Variants in CEP85L observed in about 807,000 individuals in gnomAD.
CEP85L encodes the protein centrosomal protein of 85 kDa-like.
Under a neutral mutation model 100.3 loss-of-function variants are expected in CEP85L, and 60 were observed. That is an observed-to-expected ratio of 0.60 (90% CI 0.49 to 0.74). The LOEUF (loss-of-function observed/expected upper bound fraction) is 0.74. Ranked by LOEUF, CEP85L falls within the 30% of genes least tolerant of loss-of-function variation. The pLI, the probability that CEP85L is intolerant of heterozygous loss-of-function variation, is 0.00. For synonymous variants in CEP85L, 319 were observed against 322.7 expected, an observed-to-expected ratio of 0.99 and a Z score of 0.12; for missense variants, 973 against 936.2, an observed-to-expected ratio of 1.04 and a Z score of -0.51.
At chr6:118,472,375 A>T (rs907952934) in intron 10 of CEP85L, among the ~76,000 whole-genome samples, 1 of 152,146 alleles carries the variant, frequency 6.6e-6, no homozygotes, top group Admixed American at 6.5e-5. Context: ...GCAGTTATCA[A>T]GAAGCACTTT....
chr6:118,528,347 G>A (rs1209673115), intron 3 of CEP85L, among the ~76,000 whole-genome samples: 1 of 151,968 alleles, frequency 6.6e-6, no homozygotes, highest in Non-Finnish European at 1.5e-5. Context: ...AGGATGGACT[G>A]CTAAAGTACT....
intron 2 of CEP85L, among the ~76,000 whole-genome samples, chr6:118,629,796 A>T (rs1227145682): frequency 6.6e-6 from 1 of 152,204 alleles, no homozygotes; most frequent in Non-Finnish European, 1.5e-5. Flanking sequence ...CCAAAATTTT[A>T]AGTTAGCAGC....
chr6:118,519,446 GTGTGTGTGTGTGTGTGTGTGTGTGT>G (rs1776491628), intron 4 of CEP85L, among the ~76,000 whole-genome samples: 1 of 64,858 alleles, frequency 1.5e-5, no homozygotes, highest in Admixed American at 1.4e-4. Context: ...GTGTGTGTGT[GTGTGTGTGTGTGTGTGTGTGTGTGT>G]GTGGCGGGGG....
chr6:118,551,909 G>A (rs371017745), intron 3 of CEP85L, among the ~76,000 whole-genome samples: 3 of 151,942 alleles, frequency 2.0e-5, no homozygotes, highest in East Asian at 3.8e-4. Flanking sequence ...CAGATTCATC[G>A]TAAATCTAAT....
intron 2 of CEP85L, among the ~76,000 whole-genome samples, chr6:118,569,036 C>G (rs554282586): frequency 1.8e-4 from 28 of 151,900 alleles, no homozygotes; most frequent in Non-Finnish European, 3.4e-4. Context: ...AATTTCAAAA[C>G]TATTATATAG....
intron 10 of CEP85L, among the ~76,000 whole-genome samples, chr6:118,477,762 C>G (rs978926102): frequency 6.6e-6 from 1 of 152,038 alleles, no homozygotes; most frequent in Non-Finnish European, 1.5e-5. Flanking sequence ...AAAAACCAAG[C>G]ACTGTGGAGG....
intron 1 of CEP85L, among the ~76,000 whole-genome samples, chr6:118,650,497 C>A (rs987955286): frequency 2.0e-5 from 3 of 152,172 alleles, no homozygotes; most frequent in Non-Finnish European, 2.9e-5. Flanking sequence ...CTTGAAGGGG[C>A]CACGGAAAGC....
intron 3 of CEP85L, among the ~76,000 whole-genome samples, chr6:118,556,167 G>C (rs1427517201): frequency 2.6e-5 from 4 of 152,172 alleles, no homozygotes; most frequent in African/African-American, 9.6e-5. Context: ...TATATACCCA[G>C]TAATGGGATT....
intron 1 of CEP85L, among the ~76,000 whole-genome samples, chr6:118,689,011 C>T (rs1322472232): frequency 6.6e-6 from 1 of 152,162 alleles, no homozygotes; most frequent in East Asian, 1.9e-4. Flanking sequence ...TTTACACTTC[C>T]CAGTAGTCCC....
At chr6:118,702,672 G>T (rs1777452221) in intron 1 of CEP85L, among the ~76,000 whole-genome samples, 1 of 152,042 alleles carries the variant, frequency 6.6e-6, no homozygotes. Flanking sequence ...ATTTAAAATG[G>T]TTACAAAATT....
intron 1 of CEP85L, among the ~76,000 whole-genome samples, chr6:118,680,355 A>G (rs77185885): frequency 8.1e-6 from 1 of 123,598 alleles, no homozygotes; most frequent in African/African-American, 3.2e-5. Flanking sequence ...TCTTCTTATT[A>G]AAAAAAAAAA....
intron 2 of CEP85L, among the ~76,000 whole-genome samples, chr6:118,568,776 A>C (rs1312255995): frequency 6.6e-6 from 1 of 152,212 alleles, no homozygotes; most frequent in Admixed American, 6.5e-5. Context: ...ATAAAGGGGA[A>C]TATGCTACTG....
chr6:118,619,321 G>T (rs908107016), intron 2 of CEP85L, among the ~76,000 whole-genome samples: 1 of 152,194 alleles, frequency 6.6e-6, no homozygotes, highest in Non-Finnish European at 1.5e-5. Flanking sequence ...TTGGCCCCCT[G>T]AGGGAAGTAT....
intron 1 of CEP85L, among the ~76,000 whole-genome samples, chr6:118,667,220 G>A (rs570298829): frequency 6.6e-6 from 1 of 152,100 alleles, no homozygotes; most frequent in Admixed American, 6.5e-5. Flanking sequence ...CAGTTCTTTA[G>A]AGAAAAAAAT....
At chr6:118,615,819 C>A (rs2115252606) in intron 2 of CEP85L, among the ~76,000 whole-genome samples, 1 of 152,322 alleles carries the variant, frequency 6.6e-6, no homozygotes, top group Non-Finnish European at 1.5e-5. Flanking sequence ...TCCACATGTT[C>A]TCATACATCA....
rs371812819 is a variant in CEP85L, at chr6:118,469,178, G to A, written c.2148C>T (p.Phe716=). The A allele has an allele frequency of 1.9e-6, 3 of 1,614,010 alleles. No individual in the cohort carries two copies. Among genetic ancestry groups the A allele is most frequent in the Non-Finnish European group, 1.7e-6 (2 of 1,179,922 alleles). The change falls in exon 12 of 13, where the codon TTC becomes TTT. Residue 716 remains phenylalanine (F), a synonymous_variant. Transcript: ENST00000368491. ...CAAACAAACAACAGGACATTTCCTT[G>A]AACAGCTGATCAATCACAGTCAAAT... The part of the protein sequence containing the change: ...LFDLTVIDQL[F]KEMSCCLFDL...
intron 2 of CEP85L, chr6:118,574,057 G>C (rs1214837882): frequency 6.6e-6 from 1 of 152,184 alleles, no homozygotes. Flanking sequence ...TTGGTCTCTT[G>C]CTTTGTACAC....
intron 5 of CEP85L, among the ~76,000 whole-genome samples, chr6:118,505,269 C>T (rs1582932141): frequency 6.6e-6 from 1 of 151,620 alleles, no homozygotes; most frequent in East Asian, 1.9e-4. Flanking sequence ...GTTGAAACCC[C>T]GTCTCTAATA....
At chr6:118,518,333 G>C (rs991169647) in intron 4 of CEP85L, among the ~76,000 whole-genome samples, 5 of 152,190 alleles carry the variant, frequency 3.3e-5, no homozygotes, top group Non-Finnish European at 5.9e-5. Flanking sequence ...ACCTCTGTTA[G>C]AATTTGGCTG....
Sources: gnomAD v4.1 joint callset for allele counts (sites outside exome capture counted in the v4.1 genomes callset) on GRCh38, gnomAD v4.1.1 for gene constraint, MANE v1.5 for transcripts, NCBI Gene and HGNC (gene_info 2026-07-23, HGNC 2026-07-21) for gene names.